Variants in RSPH14 observed in about 807,000 individuals in gnomAD.
RSPH14 encodes the protein rhabdoid tumor deletion region gene 1.
A neutral mutation model predicts 26.7 loss-of-function variants in RSPH14; 20 were observed. The observed-to-expected ratio is 0.75, with a 90% CI of 0.53 to 1.09. The LOEUF (loss-of-function observed/expected upper bound fraction) is 1.09, where lower values mean the gene tolerates loss of function less well. RSPH14 is among the 50% of genes least tolerant of loss of function. The pLI is 0.00. For synonymous variants in RSPH14, 177 were observed against 189.3 expected, an observed-to-expected ratio of 0.93 and a Z score of 0.53; for missense variants, 449 against 457.2, an observed-to-expected ratio of 0.98 and a Z score of 0.16.
chr22:23,130,067 GAAAGAAAGAAAGAAAGGAA>G lies in RSPH14; in HGVS notation c.421+3940_421+3958del, dbSNP rs1569192288. ...AGAAAGAAAGAGAAAGAAAAAGAAA[GAAAGAAAGAAAGAAAGGAA>G]GAAAGAAAGAAAGAAAGAAAGAAAG... is the stretch of plus-strand genomic sequence containing the variant. On this transcript the variant is annotated intron_variant, in intron 4 of 6. Coordinates refer to ENST00000216036, the MANE Select transcript of RSPH14 (RefSeq NM_014433.3). Among the ~76,000 whole-genome samples, 97 of 30,862 alleles carry G rather than the reference GAAAGAAAGAAAGAAAGGAA, an allele frequency of 3.1e-3. 2 individuals carry two copies. The highest frequency in any genetic ancestry group is 0.015 in the African/African-American group (91 of 5,960). 20.2% of individuals were successfully genotyped at this position (30,862 alleles called of 152,430 possible).
chr22:23,172,457 G>A, the RSPH14 span, among the ~76,000 whole-genome samples: 1 of 150,792 alleles, frequency 6.6e-6, no homozygotes, highest in Non-Finnish European at 1.5e-5. Flanking sequence ...GGCTCAGCCT[G>A]TAATCCCAGC....
upstream of RSPH14, among the ~76,000 whole-genome samples, chr22:23,149,771 A>G (rs1042647850): frequency 2.0e-5 from 3 of 152,238 alleles, no homozygotes; most frequent in Non-Finnish European, 4.4e-5. Context: ...GTTGAGACCC[A>G]GAGCAGACAG....
chr22:23,114,700 G>A (rs1403497439), intron 4 of RSPH14, among the ~76,000 whole-genome samples: 1 of 152,238 alleles, frequency 6.6e-6, no homozygotes, highest in Non-Finnish European at 1.5e-5. Flanking sequence ...TATTCTGTGT[G>A]TGTGTGGTTA....
chr22:23,064,267 C>G, intron 4 of RSPH14, 134 bp from the exon 5 acceptor site: 2 of 755,948 alleles, frequency 2.6e-6, no homozygotes, highest in South Asian at 3.4e-5. Flanking sequence ...CAAGTGCCAC[C>G]CCCACACACA....
At chr22:23,094,027 G>C (rs2069056928) in intron 4 of RSPH14, among the ~76,000 whole-genome samples, 1 of 152,224 alleles carries the variant, frequency 6.6e-6, no homozygotes, top group African/African-American at 2.4e-5. Context: ...GGGTTTAGCA[G>C]GTTGAGTTTC....
Position 23,138,894 on chromosome 22 carries a change from A to G in RSPH14, c.248T>C (p.Val83Ala). The G allele has an allele frequency of 6.5e-7, 1 of 1,549,116 alleles. No individual in the cohort carries two copies. Among genetic ancestry groups the G allele is most frequent in the Non-Finnish European group, 8.7e-7 (1 of 1,146,646 alleles). Reference sequence around the variant, plus strand: ...GAGCACCTCGGTGGTCTTTATGCGCACCATACTGTTGCTATCCTTCAGCAA... The same window carrying G: ...GAGCACCTCGGTGGTCTTTATGCGCGCCATACTGTTGCTATCCTTCAGCAA... ...KALLKDSNSM[V>A]RIKTTEVLHI... The change falls in exon 3 of 7, where the codon GTG becomes GCG. Residue 83 changes from valine (V) to alanine (A), a missense_variant. Transcript: ENST00000216036.
the RSPH14 span, chr22:23,155,827 C>T: frequency 3.5e-5 from 24 of 682,252 alleles, 1 homozygote; most frequent in African/African-American, 1.7e-4. Flanking sequence ...ACATCTGGCT[C>T]ACAACAGGCA....
chr22:23,180,154 C>T, the RSPH14 span: 1 of 241,552 alleles, frequency 4.1e-6, no homozygotes, highest in Non-Finnish European at 8.2e-6. Flanking sequence ...CTTGGGGACA[C>T]GCGGCTGGAC....
At chr22:23,100,844 C>A (rs764102732) in intron 4 of RSPH14, among the ~76,000 whole-genome samples, 11 of 152,212 alleles carry the variant, frequency 7.2e-5, no homozygotes, top group Non-Finnish European at 1.0e-4. Context: ...TCGTCCATAA[C>A]AGGAGTGTAT....
chr22:23,112,133 C>T (rs926114822), intron 4 of RSPH14, among the ~76,000 whole-genome samples: 4 of 152,286 alleles, frequency 2.6e-5, no homozygotes, highest in African/African-American at 7.2e-5. Flanking sequence ...GTCTTCACCC[C>T]GCAGCCCAAA....
At chr22:23,116,672 A>T (rs1056764796) in intron 4 of RSPH14, among the ~76,000 whole-genome samples, 1 of 152,140 alleles carries the variant, frequency 6.6e-6, no homozygotes, top group African/African-American at 2.4e-5. Context: ...GGAGGTCAGA[A>T]CGTGTGAGGC....
intron 5 of RSPH14, among the ~76,000 whole-genome samples, chr22:23,063,691 G>A (rs992212908): frequency 6.6e-6 from 1 of 152,222 alleles, no homozygotes; most frequent in East Asian, 1.9e-4. Flanking sequence ...CCAGGCTGAG[G>A]GGTTTCCTGG....
intron 4 of RSPH14, among the ~76,000 whole-genome samples, chr22:23,116,135 C>G (rs1290173259): frequency 6.6e-6 from 1 of 152,380 alleles, no homozygotes; most frequent in African/African-American, 2.4e-5. Context: ...CTGGGTAAGC[C>G]TTGCTTCGTG....
the RSPH14 span, among the ~76,000 whole-genome samples, chr22:23,169,501 A>G: frequency 6.6e-6 from 1 of 152,212 alleles, no homozygotes; most frequent in Non-Finnish European, 1.5e-5. Flanking sequence ...GCTCAGGCAG[A>G]TCTGAGGGCA....
intron 4 of RSPH14, among the ~76,000 whole-genome samples, chr22:23,114,936 T>C (rs2069780381): frequency 6.6e-6 from 1 of 152,184 alleles, no homozygotes; most frequent in Non-Finnish European, 1.5e-5. Context: ...GGGACTGCCA[T>C]GAAGGCATCT....
chr22:23,114,857 C>T (rs1444248599), intron 4 of RSPH14, among the ~76,000 whole-genome samples: 1 of 152,186 alleles, frequency 6.6e-6, no homozygotes, highest in Non-Finnish European at 1.5e-5. Flanking sequence ...GTCTGCTTGC[C>T]TCCATCCCTC....
At chr22:23,126,351 T>C (rs3827316) in intron 4 of RSPH14, among the ~76,000 whole-genome samples, 72,945 of 151,946 alleles carry the variant, frequency 0.48, 18,309 homozygotes, top group Middle Eastern at 0.58. Context: ...GGCCCCGTCC[T>C]CCCCTGCAGT....
chr22:23,163,611 C>CCCG, the RSPH14 span: 10 of 146,964 alleles, frequency 6.8e-5, 1 homozygote, highest in African/African-American at 2.4e-4. Context: ...TGAAAGCCCC[C>CCCG]CCCCCGCCAC....
intron 4 of RSPH14, among the ~76,000 whole-genome samples, chr22:23,115,270 A>G (rs544054511): frequency 4.6e-5 from 7 of 152,160 alleles, no homozygotes; most frequent in Non-Finnish European, 8.8e-5. Flanking sequence ...TGGCTGAGGT[A>G]TGTGACAAGG....
Sources: allele counts gnomAD v4.1 joint callset (sites outside exome capture counted in the v4.1 genomes callset), GRCh38; gene constraint gnomAD v4.1.1; transcripts MANE v1.5; gene names NCBI Gene and HGNC (gene_info 2026-07-23, HGNC 2026-07-21).